MYO1E: variants seen among roughly 807,000 people sequenced by gnomAD.
MYO1E encodes the protein myosin IE, also known as unconventional myosin-Ie.
MYO1E carries 68 observed loss-of-function variants against 151.1 expected under a neutral mutation model. The ratio of observed to expected loss-of-function variants is 0.45; its 90% CI spans 0.37 to 0.55. The LOEUF (loss-of-function observed/expected upper bound fraction) is 0.55, where lower values mean the gene tolerates loss of function less well. Among genes scored for constraint, MYO1E ranks in the 20% least tolerant of loss-of-function variants. The pLI is 0.00. For missense variants in MYO1E, 1,363 were observed against 1,389.3 expected, an observed-to-expected ratio of 0.98 and a Z score of 0.30; for synonymous variants, 601 against 501.7, an observed-to-expected ratio of 1.20 and a Z score of -2.64.
intron 18 of MYO1E, among the ~76,000 whole-genome samples, chr15:59,185,240 C>T (rs1346902353): frequency 6.6e-6 from 1 of 151,872 alleles, no homozygotes; most frequent in East Asian, 1.9e-4. Context: ...TGGGTTGTCT[C>T]TTCATTTTGT....
intron 5 of MYO1E, among the ~76,000 whole-genome samples, chr15:59,233,518 G>C (rs1200293507): frequency 6.6e-6 from 1 of 151,972 alleles, no homozygotes; most frequent in African/African-American, 2.4e-5. Flanking sequence ...ACAAAAATTA[G>C]CTGGGCATAG....
intron 26 of MYO1E, among the ~76,000 whole-genome samples, chr15:59,138,634 CAT>C (rs1341154963): frequency 1.1e-4 from 16 of 152,166 alleles, no homozygotes; most frequent in Admixed American, 1.0e-3. Flanking sequence ...GTGGGAGACA[CAT>C]ATCCATAAAA....
intron 4 of MYO1E, among the ~76,000 whole-genome samples, chr15:59,246,072 C>T (rs1419146097): frequency 6.6e-6 from 1 of 152,014 alleles, no homozygotes; most frequent in Non-Finnish European, 1.5e-5. Context: ...CCTACCAAGC[C>T]TTCAGGTGCT....
intron 14 of MYO1E, chr15:59,206,571 C>A (rs1226053061): frequency 9.3e-6 from 2 of 215,218 alleles, no homozygotes; most frequent in Admixed American, 5.2e-5. Context: ...GAAAACGTAA[C>A]CTTATTTTCA....
intron 4 of MYO1E, among the ~76,000 whole-genome samples, chr15:59,252,303 C>T (rs2080169501): frequency 1.3e-5 from 2 of 152,102 alleles, no homozygotes. Context: ...CAAGGCCTAG[C>T]GGGGTGCGGT....
At chr15:59,281,926 T>TGCA (rs1315158789) in intron 1 of MYO1E, among the ~76,000 whole-genome samples, 6 of 150,086 alleles carry the variant, frequency 4.0e-5, no homozygotes, top group Non-Finnish European at 5.9e-5. Flanking sequence ...ATTGCACCAC[T>TGCA]GCACTCCAGC....
chr15:59,291,783 C>G (rs1365634572), intron 1 of MYO1E, among the ~76,000 whole-genome samples: 1 of 124,764 alleles, frequency 8.0e-6, no homozygotes, highest in Admixed American at 8.4e-5. Flanking sequence ...AGATAAAAAG[C>G]AAATGATTTA....
At position 59,216,643 on chromosome 15, in the gene MYO1E, A is replaced by AGTGTGTGTGTGT. The variant is rs1301548766; in HGVS notation, c.1107+1236_1107+1247dup. ...CTATCTTTTGGATCGAAGGGCCCCC[A>AGTGTGTGTGTGT]GTGTGTGTGTGTGTGTGTATGTGTA... On this transcript the variant is annotated intron_variant, in intron 10 of 27. Transcript: ENST00000288235. Among the ~76,000 whole-genome samples, 22 of 43,474 alleles carry AGTGTGTGTGTGT rather than the reference A, an allele frequency of 5.1e-4. 2 individuals carry two copies. The highest frequency in any genetic ancestry group is 7.3e-4 in the African/African-American group (8 of 11,002). The allele number at this position is 43,474 out of a possible 152,430, so 28.5% of individuals were successfully genotyped here. A position where few individuals can be genotyped will look rare whatever the true frequency, so the allele number is the denominator to read the frequency against.
intron 4 of MYO1E, among the ~76,000 whole-genome samples, chr15:59,238,281 G>A (rs1373921576): frequency 6.6e-6 from 1 of 152,048 alleles, no homozygotes; most frequent in Non-Finnish European, 1.5e-5. Context: ...GGAATTACAC[G>A]GTTTGGCAAC....
intron 26 of MYO1E, among the ~76,000 whole-genome samples, chr15:59,139,169 C>T (rs557435446): frequency 5.9e-5 from 9 of 152,122 alleles, no homozygotes; most frequent in African/African-American, 1.7e-4. Flanking sequence ...TCTATCCACC[C>T]ACCCTCATTA....
intron 11 of MYO1E, 105 bp from the exon 12 acceptor site, chr15:59,214,419 A>T (rs1426533650): frequency 6.8e-5 from 63 of 930,642 alleles, no homozygotes; most frequent in Non-Finnish European, 1.0e-4. Context: ...CTTTAATAGA[A>T]ATGTTGGATG....
intron 1 of MYO1E, among the ~76,000 whole-genome samples, chr15:59,310,165 C>T (rs1297750996): frequency 1.3e-5 from 2 of 152,170 alleles, no homozygotes; most frequent in Non-Finnish European, 2.9e-5. Flanking sequence ...CAGGCAGCTT[C>T]CTAGCGCTCA....
At chr15:59,221,640 T>C (rs1448253981) in intron 9 of MYO1E, among the ~76,000 whole-genome samples, 17 of 152,148 alleles carry the variant, frequency 1.1e-4, no homozygotes, top group African/African-American at 4.1e-4. Flanking sequence ...CCTTTTCCAA[T>C]CTCCATGCCT....
At chr15:59,262,396 C>G (rs115283069) in intron 2 of MYO1E, among the ~76,000 whole-genome samples, 4,325 of 151,920 alleles carry the variant, frequency 0.028, 203 homozygotes, top group African/African-American at 0.097. Context: ...GGGGGTGGAT[C>G]GCTTTAGGCC....
chr15:59,276,321 C>G lies in MYO1E; in HGVS notation c.4-3872G>C, dbSNP rs374189667. ...TTTTGAGTAATTCCCTTTTGCTCCC[C>G]CCACTAAAAATGGTACCATTTTAAA... On this transcript the variant is annotated intron_variant, in intron 1 of 27. Transcript: ENST00000288235. Among the ~76,000 whole-genome samples the G allele has an allele frequency of 3.1e-3, 466 of 152,224 alleles. 3 individuals carry two copies. The highest frequency in any genetic ancestry group is 0.011 in the African/African-American group (443 of 41,540).
chr15:59,361,032 C>G (rs567151012), intron 1 of MYO1E, among the ~76,000 whole-genome samples: 2 of 152,310 alleles, frequency 1.3e-5, no homozygotes, highest in East Asian at 1.9e-4. Context: ...AGCTTGTACC[C>G]TTGCTTTTCT....
Position 59,160,986 on chromosome 15 carries a change from C to G in MYO1E, c.2785+87G>C, listed in dbSNP as rs756020368. The G allele has an allele frequency of 3.9e-6, 6 of 1,541,506 alleles. No homozygotes were observed. The South Asian group carries it at 4.5e-5, about 12-fold the overall frequency. Reference sequence around the variant, plus strand: ...AGAAGGTGTACTGATTCTCAGCCCCCACATCTGTGCACATGTTTGCAGCAT... The same window carrying G: ...AGAAGGTGTACTGATTCTCAGCCCCGACATCTGTGCACATGTTTGCAGCAT... On this transcript the variant is annotated intron_variant, in intron 24 of 27. Coordinates refer to ENST00000288235, the MANE Select transcript of MYO1E (RefSeq NM_004998.4).
At chr15:59,200,129 G>A (rs2079792043) in intron 16 of MYO1E, among the ~76,000 whole-genome samples, 1 of 152,138 alleles carries the variant, frequency 6.6e-6, no homozygotes, top group African/African-American at 2.4e-5. Flanking sequence ...AGGAAAGAAA[G>A]GGGACAAGTC....
At chr15:59,216,693 CA>C in intron 10 of MYO1E, among the ~76,000 whole-genome samples, 1 of 9,112 alleles carries the variant, frequency 1.1e-4, no homozygotes, top group East Asian at 0.016. Flanking sequence ...TATACACATA[CA>C]CACACACACA....
Sources: allele counts gnomAD v4.1 joint callset (sites outside exome capture counted in the v4.1 genomes callset), GRCh38; gene constraint gnomAD v4.1.1; transcripts MANE v1.5; gene names NCBI Gene and HGNC (gene_info 2026-07-23, HGNC 2026-07-21).